The following ADAMTS16 variants were observed in gnomAD, a reference collection of about 807,000 sequenced individuals.
The protein encoded by ADAMTS16 is A disintegrin and metalloproteinase with thrombospondin motifs 16.
A neutral mutation model predicts 145.8 loss-of-function variants in ADAMTS16; 94 were observed. The observed-to-expected ratio is 0.64, with a 90% CI of 0.55 to 0.77. The LOEUF (loss-of-function observed/expected upper bound fraction) is 0.77. Ranked by LOEUF, ADAMTS16 falls within the 30% of genes least tolerant of loss-of-function variation. The pLI is 0.00. For synonymous variants in ADAMTS16, 659 were observed against 604.3 expected (o/e 1.09, Z -1.33); for missense variants, 1,585 against 1,591.5 (o/e 1.00, Z 0.07).
At chr5:5,143,569 G>C (rs964138235) in intron 2 of ADAMTS16, among the ~76,000 whole-genome samples, 1 of 152,192 alleles carries the variant, frequency 6.6e-6, no homozygotes, top group Non-Finnish European at 1.5e-5. Flanking sequence ...AAGACAGTGT[G>C]GCGATTCCTC....
At chr5:5,235,535 C>A (rs1288886657) in intron 13 of ADAMTS16, among the ~76,000 whole-genome samples, 2 of 152,100 alleles carry the variant, frequency 1.3e-5, no homozygotes, top group Non-Finnish European at 2.9e-5. Flanking sequence ...TTGCTATAAG[C>A]AAGTTACCCA....
chr5:5,192,485 A>G (rs572176817), intron 8 of ADAMTS16, among the ~76,000 whole-genome samples: 1 of 152,184 alleles, frequency 6.6e-6, no homozygotes, highest in African/African-American at 2.4e-5. Context: ...TAGAGATGCT[A>G]TTTTTCATTG....
chr5:5,285,409 G>C (rs1193607537), intron 18 of ADAMTS16, among the ~76,000 whole-genome samples: 1 of 152,188 alleles, frequency 6.6e-6, no homozygotes, highest in African/African-American at 2.4e-5. Flanking sequence ...CTGAATGGTG[G>C]GTCTCACAAT....
intron 17 of ADAMTS16, among the ~76,000 whole-genome samples, chr5:5,255,378 A>G (rs1737746824): frequency 6.6e-6 from 1 of 152,264 alleles, no homozygotes; most frequent in Non-Finnish European, 1.5e-5. Context: ...CAAAATAAAT[A>G]GAGAGATTGA....
At chr5:5,236,314 C>A (rs1737105915) in intron 13 of ADAMTS16, among the ~76,000 whole-genome samples, 1 of 146,666 alleles carries the variant, frequency 6.8e-6, no homozygotes. Flanking sequence ...TTTTTTTTAC[C>A]AAGAAGAGAA....
At position 5,318,030 on chromosome 5, in the gene ADAMTS16, C is replaced by A. The variant is rs116282478; in HGVS notation, c.3412-104C>A. 1.1e-3 allele frequency: 1,391 copies of A among 1,214,644 alleles called. 16 individuals are homozygous for A. The African/African-American group carries it at 0.02, about 18-fold the overall frequency. 75.2% of individuals were successfully genotyped at this position (1,214,644 alleles called of 1,614,324 possible). ...CTCTGCGACTAAGTCGCTCTTCCCT[C>A]ACTGGCCTGCAGCAGCAGGCCTTTT... On this transcript the variant is annotated intron_variant, in intron 21 of 22. Transcript: ENST00000274181.
chr5:5,245,806 C>CT (rs1445147735), intron 17 of ADAMTS16, among the ~76,000 whole-genome samples: 1 of 152,156 alleles, frequency 6.6e-6, no homozygotes, highest in Non-Finnish European at 1.5e-5. Context: ...CAGGTAATGC[C>CT]TTTTATCTCC....
At chr5:5,140,600 C>A (rs72647738) in intron 1 of ADAMTS16, 61 bp downstream of exon 1, 121 of 1,516,686 alleles carry the variant, frequency 8.0e-5, no homozygotes, top group Non-Finnish European at 2.0e-5. Context: ...GGAGGCGAGT[C>A]CCCCGCGGCT....
chr5:5,152,364 A>C (rs561662861), intron 3 of ADAMTS16, among the ~76,000 whole-genome samples: 2 of 152,274 alleles, frequency 1.3e-5, no homozygotes, highest in Admixed American at 6.5e-5. Flanking sequence ...TTAACCTACA[A>C]GTGAGATGGA....
At chr5:5,182,413 T>G in intron 4 of ADAMTS16, 108 bp downstream of exon 4, 1 of 1,414,624 alleles carries the variant, frequency 7.1e-7, no homozygotes, top group Non-Finnish European at 9.5e-7. Flanking sequence ...GGGTGAAATC[T>G]ATGGACTGTC....
At chr5:5,210,874 A>G (rs1736256319) in intron 10 of ADAMTS16, among the ~76,000 whole-genome samples, 1 of 152,066 alleles carries the variant, frequency 6.6e-6, no homozygotes, top group South Asian at 2.1e-4. Flanking sequence ...AATTATTTTG[A>G]TTGATCTTTA....
At chr5:5,259,888 G>C (rs1737943548) in intron 17 of ADAMTS16, among the ~76,000 whole-genome samples, 1 of 151,702 alleles carries the variant, frequency 6.6e-6, no homozygotes, top group African/African-American at 2.4e-5. Context: ...TCACCCCGCT[G>C]TGTCATCCCC....
chr5:5,263,083 G>A (rs760065991), intron 18 of ADAMTS16, among the ~76,000 whole-genome samples: 9 of 152,206 alleles, frequency 5.9e-5, no homozygotes, highest in African/African-American at 1.7e-4. Context: ...TGGTGATAAT[G>A]ATGCATTCTC....
rs897104733 is a variant in ADAMTS16, at chr5:5,303,256, G to T, written c.2790-12G>T. The T allele has an allele frequency of 9.1e-6, 14 of 1,542,936 alleles. No homozygotes were observed. The highest frequency in any genetic ancestry group is 2.3e-5 in the East Asian group (1 of 43,812). On this transcript the variant is annotated splice_polypyrimidine_tract_variant and intron_variant, in intron 18 of 22. Coordinates refer to ENST00000274181, the MANE Select transcript of ADAMTS16 (RefSeq NM_139056.4). Reference sequence around the variant, plus strand: ...AGCCATCCCTCACCGAGGTCTCTTTGTCCCTGCCCAGCTGGTCCGTGGGGA... The same window carrying T: ...AGCCATCCCTCACCGAGGTCTCTTTTTCCCTGCCCAGCTGGTCCGTGGGGA...
intron 10 of ADAMTS16, 100 bp downstream of exon 10, chr5:5,209,346 C>A: frequency 7.1e-7 from 1 of 1,402,112 alleles, no homozygotes; most frequent in Non-Finnish European, 9.8e-7. Flanking sequence ...TGGGTACCTA[C>A]CAAATGTCAA....
intron 3 of ADAMTS16, among the ~76,000 whole-genome samples, chr5:5,169,474 G>C (rs1458094923): frequency 6.6e-6 from 1 of 152,126 alleles, no homozygotes; most frequent in African/African-American, 2.4e-5. Context: ...CTCATGACTG[G>C]ATGTGCACTG....
chr5:5,276,034 T>C (rs1361956043), intron 18 of ADAMTS16, among the ~76,000 whole-genome samples: 1 of 152,066 alleles, frequency 6.6e-6, no homozygotes. Flanking sequence ...GATTTTTGTA[T>C]TTTTAGTAGA....
chr5:5,222,278 C>CA (rs1736627244), intron 10 of ADAMTS16, among the ~76,000 whole-genome samples: 1 of 151,780 alleles, frequency 6.6e-6, no homozygotes, highest in Non-Finnish European at 1.5e-5. Context: ...ATATTTTAAG[C>CA]CTTAATCACA....
At chr5:5,248,091 C>A (rs1459190692) in intron 17 of ADAMTS16, among the ~76,000 whole-genome samples, 1 of 152,192 alleles carries the variant, frequency 6.6e-6, no homozygotes, top group South Asian at 2.1e-4. Flanking sequence ...AGAGCTCATG[C>A]GTTCATTTAT....
Sources: gnomAD v4.1 joint callset for allele counts (sites outside exome capture counted in the v4.1 genomes callset) on GRCh38, gnomAD v4.1.1 for gene constraint, MANE v1.5 for transcripts, NCBI Gene and HGNC (gene_info 2026-07-23, HGNC 2026-07-21) for gene names.